TNS3: variants seen among roughly 807,000 people sequenced by gnomAD.
TNS3 encodes the protein tensin-3.
TNS3 carries 45 observed loss-of-function variants against 140.9 expected under a neutral mutation model. The ratio of observed to expected loss-of-function variants is 0.32; its 90% CI spans 0.25 to 0.41. The LOEUF (loss-of-function observed/expected upper bound fraction) is 0.41. Ranked by LOEUF, TNS3 falls within the 10% of genes least tolerant of loss-of-function variation. The pLI, the probability that TNS3 is intolerant of heterozygous loss-of-function variation, is 1.00. For synonymous variants in TNS3, 815 were observed against 788.4 expected, an observed-to-expected ratio of 1.03 and a Z score of -0.56; for missense variants, 1,716 against 1,906.7, an observed-to-expected ratio of 0.90 and a Z score of 1.86.
At chr7:47,358,749 T>C (rs150031026) in intron 17 of TNS3, among the ~76,000 whole-genome samples, 4 of 152,318 alleles carry the variant, frequency 2.6e-5, no homozygotes, top group African/African-American at 9.6e-5. Flanking sequence ...AAAGACCATG[T>C]TGCTTTATGT....
At chr7:47,491,479 G>C (rs541990559) in intron 3 of TNS3, among the ~76,000 whole-genome samples, 1 of 152,244 alleles carries the variant, frequency 6.6e-6, no homozygotes, top group East Asian at 1.9e-4. Flanking sequence ...AAGCTCATAG[G>C]AAAGTCTTGA....
intron 4 of TNS3, among the ~76,000 whole-genome samples, chr7:47,477,239 A>G (rs1797230871): frequency 6.6e-6 from 1 of 152,208 alleles, no homozygotes. Flanking sequence ...TCATGCCCTC[A>G]GCCAGCACAA....
chr7:47,452,930 T>C (rs533338433), intron 4 of TNS3: 164 of 985,324 alleles, frequency 1.7e-4, no homozygotes, highest in Middle Eastern at 5.2e-4. Context: ...GTTGGGAACT[T>C]ACTGTGCTGG....
chr7:47,571,026 C>T lies in TNS3; in HGVS notation c.-265+11025G>A, dbSNP rs77087706. On this transcript the variant is annotated intron_variant, in intron 1 of 30. Transcript: ENST00000311160. Reference sequence around the variant, plus strand: ...CTGGACCACTCTGGAAGGGACATAGCCTGGGAAGGACTCAGGAGGCCCACA... The same window carrying T: ...CTGGACCACTCTGGAAGGGACATAGTCTGGGAAGGACTCAGGAGGCCCACA... Among the ~76,000 whole-genome samples the T allele has an allele frequency of 4.0e-3, 606 of 152,220 alleles. 4 individuals carry two copies. The highest frequency in any genetic ancestry group is 0.014 in the African/African-American group (585 of 41,552).
At chr7:47,442,105 C>A in intron 4 of TNS3, 50 bp from the exon 5 acceptor site, 1 of 1,170,588 alleles carries the variant, frequency 8.5e-7, no homozygotes, top group South Asian at 1.5e-5. Flanking sequence ...TCCTGCCAGT[C>A]TACATGACAC....
chr7:47,505,516 A>G (rs1312666849), intron 3 of TNS3, among the ~76,000 whole-genome samples: 1 of 152,192 alleles, frequency 6.6e-6, no homozygotes, highest in Non-Finnish European at 1.5e-5. Context: ...AGTGCACCCC[A>G]CATGACATCT....
At chr7:47,493,360 TG>T (rs1797883646) in intron 3 of TNS3, among the ~76,000 whole-genome samples, 1 of 152,052 alleles carries the variant, frequency 6.6e-6, no homozygotes, top group South Asian at 2.1e-4. Context: ...CAGTTTAAAA[TG>T]GAAGAAAAGG....
chr7:47,286,136 TA>T, intron 27 of TNS3, among the ~76,000 whole-genome samples: 1 of 152,240 alleles, frequency 6.6e-6, no homozygotes, highest in South Asian at 2.1e-4. Context: ...TTGACCTAAC[TA>T]CTAGGAAAAT....
In TNS3 at chr7:47,428,794, A is replaced by G. The variant is rs912200498; in HGVS notation, c.325-418T>C. Among the ~76,000 whole-genome samples the G allele has an allele frequency of 1.3e-5, 2 of 152,254 alleles. 1 individual carries two copies. Among genetic ancestry groups the G allele is most frequent in the South Asian group, 4.1e-4 (2 of 4,830 alleles). On this transcript the variant is annotated intron_variant, in intron 8 of 30. Transcript: ENST00000311160. ...ATCAGGGCTGCAAACACAGCTCAGC[A>G]TGATGGGACATAGATTCCAGCTTAC...
chr7:47,399,418 T>C (rs943182902), intron 15 of TNS3, among the ~76,000 whole-genome samples: 2 of 152,158 alleles, frequency 1.3e-5, no homozygotes, highest in African/African-American at 4.8e-5. Flanking sequence ...CATCGCACTA[T>C]TGGACTTCAA....
At chr7:47,315,584 G>A (rs1429627806) in intron 20 of TNS3, among the ~76,000 whole-genome samples, 2 of 152,218 alleles carry the variant, frequency 1.3e-5, no homozygotes, top group Admixed American at 1.3e-4. Context: ...CTATTTACAT[G>A]ACATATAAGT....
intron 20 of TNS3, among the ~76,000 whole-genome samples, chr7:47,312,698 G>A (rs913638751): frequency 7.6e-6 from 1 of 131,884 alleles, no homozygotes; most frequent in East Asian, 2.5e-4. Flanking sequence ...GCAAAACTCT[G>A]TCTCAAAAAA....
intron 20 of TNS3, among the ~76,000 whole-genome samples, chr7:47,311,366 G>A (rs963336433): frequency 6.6e-6 from 1 of 151,016 alleles, no homozygotes; most frequent in South Asian, 2.1e-4. Flanking sequence ...TAACAAACCT[G>A]CACATTGTGC....
chr7:47,415,250 A>G, intron 10 of TNS3, 44 bp from the exon 11 acceptor site: 1 of 1,431,012 alleles, frequency 7.0e-7, no homozygotes, highest in Non-Finnish European at 9.6e-7. Context: ...AAGTGTCTTC[A>G]GCCTCTGCTG....
intron 17 of TNS3, among the ~76,000 whole-genome samples, chr7:47,360,719 C>T (rs755380154): frequency 6.6e-6 from 1 of 152,182 alleles, no homozygotes; most frequent in Non-Finnish European, 1.5e-5. Context: ...CCTTGGAGGG[C>T]TCCAGGAGTG....
rs146666999 is a variant in TNS3, at chr7:47,442,242, C to A, written c.-75-187G>T. On this transcript the variant is annotated intron_variant, in intron 4 of 30. Transcript: ENST00000311160. The stretch of plus-strand genomic sequence containing the variant: ...ACACCATGTTGTGTGATTCAGCTCA[C>A]CAGAGGACGCAGTGCCACTAACCAG... 3.1e-3 allele frequency among the ~76,000 whole-genome samples: 467 copies of A among 152,316 alleles called. 1 individual carries two copies. The highest frequency in any genetic ancestry group is 0.01 in the African/African-American group (424 of 41,564).
chr7:47,436,346 T>C (rs1795181448), intron 7 of TNS3, among the ~76,000 whole-genome samples: 1 of 152,206 alleles, frequency 6.6e-6, no homozygotes, highest in African/African-American at 2.4e-5. Flanking sequence ...TTTCAACATA[T>C]AGAATATACA....
At chr7:47,410,192 C>A (rs1793689301) in intron 13 of TNS3, among the ~76,000 whole-genome samples, 2 of 152,180 alleles carry the variant, frequency 1.3e-5, no homozygotes, top group African/African-American at 4.8e-5. Context: ...CCCTCCTGGT[C>A]CTCCCTCTCA....
chr7:47,496,621 G>A (rs1031262868), intron 3 of TNS3, among the ~76,000 whole-genome samples: 2 of 152,198 alleles, frequency 1.3e-5, no homozygotes, highest in South Asian at 2.1e-4. Flanking sequence ...GGTGGCCAAC[G>A]CAAACAGAGT....
Sources: allele counts gnomAD v4.1 joint callset (sites outside exome capture counted in the v4.1 genomes callset), GRCh38; gene constraint gnomAD v4.1.1; transcripts MANE v1.5; gene names NCBI Gene and HGNC (gene_info 2026-07-23, HGNC 2026-07-21).